IL1RAPL1: variants seen among roughly 807,000 people sequenced by gnomAD.
The protein encoded by IL1RAPL1 is interleukin-1 receptor accessory protein-like 1.
In IL1RAPL1, 3 loss-of-function variants were observed where a neutral mutation model predicts 48.4. The observed-to-expected ratio is 0.06, with a 90% CI of 0.03 to 0.16. IL1RAPL1 has a LOEUF of 0.16. IL1RAPL1 is among the 10% of genes least tolerant of loss of function. The probability of loss-of-function intolerance (pLI) is 1.00; values close to 1 mark genes in which losing one functional copy is unlikely to be tolerated. For synonymous variants in IL1RAPL1, 185 were observed against 187.7 expected (o/e 0.99, Z 0.12); for missense variants, 349 against 530.6 (o/e 0.66, Z 3.36).
chrX:28,740,626 C>A (rs1569162589), intron 1 of IL1RAPL1, among the ~76,000 whole-genome samples: 2 of 110,807 alleles, frequency 1.8e-5, no homozygotes, highest in Non-Finnish European at 3.8e-5. Flanking sequence ...GCTTATTACC[C>A]TATAGGTAGT....
intron 3 of IL1RAPL1, among the ~76,000 whole-genome samples, chrX:29,310,801 G>A (rs1932714356): frequency 8.9e-6 from 1 of 112,062 alleles, no homozygotes; most frequent in African/African-American, 3.2e-5. Flanking sequence ...AAATGAAACT[G>A]GGAGCATTTA....
chrX:29,938,583 A>G (rs1933072635), intron 8 of IL1RAPL1, among the ~76,000 whole-genome samples: 2 of 112,280 alleles, frequency 1.8e-5, no homozygotes, highest in Admixed American at 1.9e-4. Flanking sequence ...GAAAAATCAA[A>G]ATGTTAAAGA....
intron 4 of IL1RAPL1, among the ~76,000 whole-genome samples, chrX:29,398,319 A>T (rs67395117): frequency 0.094 from 10,576 of 111,957 alleles, 399 homozygotes; most frequent in South Asian, 0.16. Context: ...TGATTTGGCA[A>T]TACAATTTTT....
chrX:29,711,069 T>TATACACACACACAC (rs1555913970), intron 6 of IL1RAPL1, among the ~76,000 whole-genome samples: 2,978 of 86,329 alleles, frequency 0.034, 66 homozygotes, highest in Admixed American at 0.056. Flanking sequence ...TGTGTGTGTA[T>TATACACACACACAC]ACACACACAC....
At chrX:29,927,482 C>T (rs192834669) in intron 8 of IL1RAPL1, among the ~76,000 whole-genome samples, 75 of 111,723 alleles carry the variant, frequency 6.7e-4, no homozygotes, top group Non-Finnish European at 1.2e-3. Context: ...TTCACCTATT[C>T]AATGAATTGT....
At chrX:29,185,237 T>C (rs1276417325) in intron 2 of IL1RAPL1, among the ~76,000 whole-genome samples, 4 of 112,614 alleles carry the variant, frequency 3.6e-5, no homozygotes. Flanking sequence ...GAATATTCAA[T>C]TGACTGGAAA....
chrX:28,821,710 G>A (rs886667549), intron 2 of IL1RAPL1, among the ~76,000 whole-genome samples: 1 of 111,173 alleles, frequency 9.0e-6, no homozygotes, highest in Non-Finnish European at 1.9e-5. Flanking sequence ...TGTAAGGTGA[G>A]TAATGGGTTG....
At chrX:29,627,570 T>G (rs1470763552) in intron 5 of IL1RAPL1, among the ~76,000 whole-genome samples, 1 of 111,981 alleles carries the variant, frequency 8.9e-6, no homozygotes, top group African/African-American at 3.2e-5. Flanking sequence ...AAAGAAAATT[T>G]CGTCTCACGT....
At chrX:29,386,132 CAAT>C (rs1391570972) in intron 3 of IL1RAPL1, among the ~76,000 whole-genome samples, 3 of 111,669 alleles carry the variant, frequency 2.7e-5, no homozygotes, top group Admixed American at 9.5e-5. Context: ...TGGGTTCAAG[CAAT>C]TCTCTGCCTC....
chrX:28,805,705 C>T (rs918522807), intron 2 of IL1RAPL1, among the ~76,000 whole-genome samples: 2 of 111,274 alleles, frequency 1.8e-5, no homozygotes, highest in African/African-American at 6.5e-5. Context: ...ACTTGTATTG[C>T]AGCTTTCCTA....
At chrX:29,872,812 C>A (rs989212814) in intron 6 of IL1RAPL1, among the ~76,000 whole-genome samples, 1 of 112,318 alleles carries the variant, frequency 8.9e-6, no homozygotes, top group African/African-American at 3.2e-5. Context: ...CTCATCTCTG[C>A]TGGATGTTAA....
intron 6 of IL1RAPL1, among the ~76,000 whole-genome samples, chrX:29,885,974 C>T (rs1338346173): frequency 1.8e-5 from 2 of 111,970 alleles, no homozygotes; most frequent in Non-Finnish European, 3.8e-5. Context: ...TTCTTATTAA[C>T]ATTTTAAAAG....
At chrX:29,486,760 TCAG>T (rs948750870) in intron 5 of IL1RAPL1, among the ~76,000 whole-genome samples, 6 of 110,782 alleles carry the variant, frequency 5.4e-5, no homozygotes, top group African/African-American at 2.0e-4. Context: ...GTTTGTGGTG[TCAG>T]CTGAAAAAGT....
At chrX:29,812,270 T>C (rs989281014) in intron 6 of IL1RAPL1, among the ~76,000 whole-genome samples, 4 of 112,384 alleles carry the variant, frequency 3.6e-5, no homozygotes, top group African/African-American at 9.7e-5. Context: ...ACTGTTACTT[T>C]GGAAAAGTAG....
At chrX:29,167,098 A>T (rs1019722218) in intron 2 of IL1RAPL1, among the ~76,000 whole-genome samples, 3 of 111,831 alleles carry the variant, frequency 2.7e-5, no homozygotes, top group African/African-American at 9.7e-5. Context: ...ATAAGGCCGT[A>T]TGTTCTTTGT....
intron 6 of IL1RAPL1, among the ~76,000 whole-genome samples, chrX:29,781,283 A>T (rs184725535): frequency 8.9e-6 from 1 of 112,122 alleles, no homozygotes; most frequent in East Asian, 2.8e-4. Context: ...AGTATAAGCC[A>T]AAATCAGGAC....
rs375590826 is a variant in IL1RAPL1 at position 29,336,304 on chromosome X, GGTGTGTGTGTGTGTGTGT to G, written c.362+53114_362+53131del. ...TATATATATATATGCACCGTTTTGG[GGTGTGTGTGTGTGTGTGT>G]GTGTGTGTGTGTGTGTGTGTGTGTG... On this transcript the variant is annotated intron_variant, in intron 3 of 10. Coordinates refer to ENST00000378993, the MANE Select transcript of IL1RAPL1 (RefSeq NM_014271.4). Among the ~76,000 whole-genome samples, 35 of 70,847 alleles carry G rather than the reference GGTGTGTGTGTGTGTGTGT, an allele frequency of 4.9e-4. 1 individual carries two copies. The highest frequency in any genetic ancestry group is 1.8e-3 in the African/African-American group (34 of 18,616). 61.5% of individuals were successfully genotyped at this position (70,847 alleles called of 115,157 possible). A position where few individuals can be genotyped will look rare whatever the true frequency, so the allele number is the denominator to read the frequency against.
chrX:29,821,997 G>A (rs1162120047), intron 6 of IL1RAPL1, among the ~76,000 whole-genome samples: 18 of 111,981 alleles, frequency 1.6e-4, no homozygotes, highest in Admixed American at 8.5e-4. Flanking sequence ...AAAATGAAGC[G>A]AAGTTATCTT....
At chrX:29,347,618 G>T (rs1342571587) in intron 3 of IL1RAPL1, among the ~76,000 whole-genome samples, 1 of 109,992 alleles carries the variant, frequency 9.1e-6, no homozygotes, top group Non-Finnish European at 1.9e-5. Context: ...TCAAACTCCT[G>T]GGCTCAACCA....
Sources: allele counts gnomAD v4.1 joint callset (sites outside exome capture counted in the v4.1 genomes callset), GRCh38; gene constraint gnomAD v4.1.1; transcripts MANE v1.5; gene names NCBI Gene and HGNC (gene_info 2026-07-23, HGNC 2026-07-21).